The following FAT1 variants were observed in gnomAD, a reference collection of about 807,000 sequenced individuals.
FAT1 encodes the protein FAT atypical cadherin 1, also known as protocadherin Fat 1.
FAT1 carries 171 observed loss-of-function variants against 329.8 expected under a neutral mutation model. The ratio of observed to expected loss-of-function variants is 0.52; its 90% CI spans 0.46 to 0.59. FAT1 has a LOEUF of 0.59. Ranked by LOEUF, FAT1 falls within the 20% of genes least tolerant of loss-of-function variation. The pLI, the probability that FAT1 is intolerant of heterozygous loss-of-function variation, is 0.00. For missense variants in FAT1, 5,672 were observed against 5,774.4 expected (o/e 0.98, Z 0.57); for synonymous variants, 2,233 against 2,228.6 (o/e 1.00, Z -0.06).
In FAT1 at chr4:186,621,531, GA is replaced by G; in HGVS notation, c.5054del (p.Phe1685SerfsTer17). On this transcript the variant is annotated frameshift_variant, in exon 10 of 27. Coordinates refer to ENST00000441802, the MANE Select transcript of FAT1 (RefSeq NM_005245.4). LOFTEE classifies it high-confidence loss of function. ...ELSETVSIGS[F>X]VGMVTAHSQS... is the part of the protein sequence containing the mutation. The stretch of plus-strand genomic sequence containing the variant: ...GACTATGGGCTGTAACCATCCCAAC[GA>G]AACTCCCAATGCTGACAGTTTCACT... 1 of 1,613,926 alleles carries G rather than the reference GA, an allele frequency of 6.2e-7. No homozygotes were observed. Among genetic ancestry groups the G allele is most frequent in the Non-Finnish European group, 8.5e-7 (1 of 1,179,868 alleles).
Position 186,633,669 on chromosome 4 carries a change from T to A in FAT1, c.4323+15A>T. ...CATCCTCCTCTGACAAGTGTGTCAT[T>A]AGTAATTCACTTACCTGAGTGAGGA... On this transcript the variant is annotated intron_variant, in intron 7 of 26. Transcript: ENST00000441802. 6.2e-7 allele frequency: 1 copy of A among 1,613,796 alleles called. No homozygotes were observed. The highest frequency in any genetic ancestry group is 8.5e-7 in the Non-Finnish European group (1 of 1,179,756).
chr4:186,600,061 AATGGAGTCCAT>A lies in FAT1; in HGVS notation c.11929_11939del (p.Met3977LeufsTer70). The A allele has an allele frequency of 6.2e-7, 1 of 1,613,978 alleles. No homozygotes were observed. Among genetic ancestry groups the A allele is most frequent in the Non-Finnish European group, 8.5e-7 (1 of 1,179,890 alleles). ...AAGGGAGCTCCTGCCCATTCAAATAAATGGAGTCCATACAACCCCTGAAACCATTACCAACT... is the reference window on the plus strand; with the variant it reads ...AAGGGAGCTCCTGCCCATTCAAATAAACAACCCCTGAAACCATTACCAACT... On this transcript the variant is annotated frameshift_variant, in exon 22 of 27. Transcript: ENST00000441802. LOFTEE classifies it high-confidence loss of function.
At chr4:186,716,552 G>A (rs951406022) in intron 1 of FAT1, among the ~76,000 whole-genome samples, 4 of 151,744 alleles carry the variant, frequency 2.6e-5, no homozygotes, top group African/African-American at 9.7e-5. Context: ...CTCCGCCTCC[G>A]GGGTACCTGG....
chr4:186,609,681 CT>C, intron 15 of FAT1, 119 bp downstream of exon 15: 2 of 714,208 alleles, frequency 2.8e-6, no homozygotes, highest in Non-Finnish European at 4.8e-6. Context: ...ACAAAAGACA[CT>C]TTCAAATCTC....
chr4:186,603,140 C>T (rs777300658), intron 19 of FAT1, 36 bp downstream of exon 19: 3 of 1,609,140 alleles, frequency 1.9e-6, no homozygotes, highest in Non-Finnish European at 2.6e-6. Context: ...CTGAAACCAT[C>T]TGTGACACCG....
intron 6 of FAT1, 67 bp downstream of exon 6, chr4:186,635,958 T>C (rs1410917244): frequency 8.6e-6 from 12 of 1,401,324 alleles, no homozygotes; most frequent in East Asian, 4.6e-5. Context: ...CCAAAACTCA[T>C]CAAACCGTAT....
chr4:186,678,231 A>C (rs1226943621), intron 2 of FAT1, among the ~76,000 whole-genome samples: 1 of 152,110 alleles, frequency 6.6e-6, no homozygotes, highest in Non-Finnish European at 1.5e-5. Context: ...TCAAAAACAC[A>C]CAAGTGTTCA....
In FAT1 at chr4:186,613,191, G is replaced by T. The variant is rs201470635; in HGVS notation, c.9381C>A (p.Ala3127=). The change falls in exon 13 of 27, where the codon GCC becomes GCA. Residue 3127 remains alanine (A), a synonymous_variant. Coordinates refer to ENST00000441802, the MANE Select transcript of FAT1 (RefSeq NM_005245.4). ...DVNDNAPEFS[A]DPYAITVFEN... is the part of the protein sequence containing the mutation. ...CAAACACGGTGATGGCATAAGGATCGGCAGAGAATTCGGGGGCGTTATCGT... is the reference window on the plus strand; with the variant it reads ...CAAACACGGTGATGGCATAAGGATCTGCAGAGAATTCGGGGGCGTTATCGT... The T allele has an allele frequency of 6.2e-7, 1 of 1,613,704 alleles. No homozygotes were observed. Among genetic ancestry groups the T allele is most frequent in the African/African-American group, 1.3e-5 (1 of 74,884 alleles).
At chr4:186,597,635 G>A (rs1184965092) in intron 24 of FAT1, 47 bp downstream of exon 24, 1 of 1,369,126 alleles carries the variant, frequency 7.3e-7, no homozygotes, top group Admixed American at 1.7e-5. Context: ...CAGTCAATAT[G>A]ACGCTATGAA....
rs568152851 is a variant in FAT1, at chr4:186,593,895, G to A, written c.13138+1794C>T. Among the ~76,000 whole-genome samples, 3 of 152,190 alleles carry A rather than the reference G, an allele frequency of 2.0e-5. No individual in the cohort carries two copies. The South Asian group carries it at 6.2e-4, about 32-fold the overall frequency. On this transcript the variant is annotated intron_variant, in intron 26 of 26. Coordinates refer to ENST00000441802, the MANE Select transcript of FAT1 (RefSeq NM_005245.4). The stretch of plus-strand genomic sequence containing the variant: ...AATCTGTAATGGCCCTGGAAAACCG[G>A]GAATACGACGCAGGAACAGACTCTC...
At chr4:186,590,609 A>T (rs1738195683) in intron 26 of FAT1, 1 of 457,702 alleles carries the variant, frequency 2.2e-6, no homozygotes, top group South Asian at 1.5e-5. Flanking sequence ...ATGGAAGTGG[A>T]GGAAAGTGAC....
Position 186,616,546 on chromosome 4 carries a change from G to A in FAT1, c.9075+459C>T, listed in dbSNP as rs569769658. 3.3e-5 allele frequency among the ~76,000 whole-genome samples: 5 copies of A among 152,170 alleles called. No individual in the cohort carries two copies. In the East Asian group the frequency reaches 7.8e-4, roughly 24 times the overall value. ...CCTTGGAGGGAGCAGCCCTTCCTAC[G>A]TCTACTTTTAGTTCCCACTGAATGG... On this transcript the variant is annotated intron_variant, in intron 11 of 26. Transcript: ENST00000441802.
rs559936301 is a variant in FAT1, at chr4:186,708,090, T to C, written c.1738A>G (p.Arg580Gly). The change falls in exon 2 of 27, where the codon AGA (arginine) becomes GGA (glycine). Residue 580 changes from arginine to glycine, a missense_variant. Arg to Gly is a moderately radical substitution (Grantham distance 125). Transcript: ENST00000441802. ...EKINCEGTIP[R>G]DLGVGEQITT... The stretch of plus-strand genomic sequence containing the variant: ...ATTTGCTCTCCCACGCCTAGATCTC[T>C]GGGAATTGTCCCTTCACAATTTATT... 1 of 1,613,980 alleles carries C rather than the reference T, an allele frequency of 6.2e-7. No homozygotes were observed. The highest frequency in any genetic ancestry group is 1.3e-5 in the African/African-American group (1 of 75,054).
At chr4:186,710,849 C>G (rs1301956608) in intron 1 of FAT1, among the ~76,000 whole-genome samples, 1 of 152,180 alleles carries the variant, frequency 6.6e-6, no homozygotes, top group Non-Finnish European at 1.5e-5. Context: ...CCCTGGGTGA[C>G]TGGCGGAGAA....
rs190456523 is a variant in FAT1, at chr4:186,607,979, G to A, written c.10206+1204C>T. ...CTCCAAATACTGGCTGAGTAATTCT[G>A]CCTGAATATGCTATTTCCCTTTAAA... On this transcript the variant is annotated intron_variant, in intron 16 of 26. Transcript: ENST00000441802. Among the ~76,000 whole-genome samples, 3 of 152,194 alleles carry A rather than the reference G, an allele frequency of 2.0e-5. No homozygotes were observed. The East Asian group carries it at 5.8e-4, about 29-fold the overall frequency.
chr4:186,621,301 G>A lies in FAT1; in HGVS notation c.5285C>T (p.Ala1762Val), dbSNP rs376944386. 1.2e-4 allele frequency: 196 copies of A among 1,613,856 alleles called. No homozygotes were observed. The highest frequency in any genetic ancestry group is 1.6e-4 in the Non-Finnish European group (187 of 1,179,890). ...ATATTCTGCCTGCATAAAAACTGGC[G>A]CGTTGTCATTCTCATCCTGCAAGTG... ...LVHLQDENDN[A>V]PVFMQAEYTG... The change falls in exon 10 of 27, where the codon GCG (alanine) becomes GTG (valine). Residue 1762 changes from alanine (A) to valine (V), a missense_variant. By Grantham distance (64) the Ala-to-Val change is moderately conservative. This residue lies in a region of FAT1 where 3,966 missense variants were observed against 3,915.2 expected (regional missense o/e 1.01). Transcript: ENST00000441802.
In FAT1 at chr4:186,628,437, C is replaced by T. The variant is rs1000685337; in HGVS notation, c.4599+51G>A. 7 of 1,611,428 alleles carry T rather than the reference C, an allele frequency of 4.3e-6. No individual in the cohort carries two copies. The African/African-American group carries it at 8.0e-5, about 18-fold the overall frequency. On this transcript the variant is annotated intron_variant, in intron 8 of 26. Coordinates refer to ENST00000441802, the MANE Select transcript of FAT1 (RefSeq NM_005245.4). Reference sequence around the variant, plus strand: ...ACTAATTAAAAATCACGCTCGAACACACAAAGGCCTCAGGACCAAATGGTG... The same window carrying T: ...ACTAATTAAAAATCACGCTCGAACATACAAAGGCCTCAGGACCAAATGGTG...
At chr4:186,637,361 A>G (rs1740882808) in intron 4 of FAT1, among the ~76,000 whole-genome samples, 1 of 152,246 alleles carries the variant, frequency 6.6e-6, no homozygotes, top group Non-Finnish European at 1.5e-5. Context: ...TATCATGTTA[A>G]AAATGTTAAA....
chr4:186,604,056 C>T (rs184411970), intron 18 of FAT1, 79 bp from the exon 19 acceptor site: 10 of 1,124,334 alleles, frequency 8.9e-6, no homozygotes, highest in East Asian at 2.4e-5. Context: ...TTGTATTACT[C>T]AAGTTCCCAA....
Sources: allele counts gnomAD v4.1 joint callset (sites outside exome capture counted in the v4.1 genomes callset), GRCh38; gene constraint gnomAD v4.1.1; regional missense constraint gnomAD v4.1.1; transcripts MANE v1.5; gene names NCBI Gene and HGNC (gene_info 2026-07-23, HGNC 2026-07-21).